EYA2: variants seen among roughly 807,000 people sequenced by gnomAD.
The protein encoded by EYA2 is EYA transcriptional coactivator and phosphatase 2.
Under a neutral mutation model 69.2 loss-of-function variants are expected in EYA2, and 31 were observed. That is an observed-to-expected ratio of 0.45 (90% CI 0.34 to 0.60). The LOEUF (loss-of-function observed/expected upper bound fraction) is 0.60. EYA2 is among the 20% of genes least tolerant of loss of function. The pLI is 0.02. For synonymous variants in EYA2, 257 were observed against 279.4 expected (o/e 0.92, Z 0.80); for missense variants, 622 against 701.2 (o/e 0.89, Z 1.28).
At chr20:46,965,595 C>T (rs1979728367) in intron 1 of EYA2, among the ~76,000 whole-genome samples, 1 of 152,266 alleles carries the variant, frequency 6.6e-6, no homozygotes, top group Admixed American at 6.5e-5. Context: ...AGCGTGCCTT[C>T]TTCCCAGCGT....
chr20:46,954,491 G>A (rs1487131084), intron 1 of EYA2, among the ~76,000 whole-genome samples: 1 of 152,224 alleles, frequency 6.6e-6, no homozygotes, highest in African/African-American at 2.4e-5. Flanking sequence ...TTGACTTGTG[G>A]TTTGTGGACA....
chr20:47,182,645 G>C (rs1366677866), intron 14 of EYA2, among the ~76,000 whole-genome samples: 3 of 82,454 alleles, frequency 3.6e-5, no homozygotes, highest in South Asian at 6.8e-4. Context: ...AAAAAAAAAA[G>C]GTTAAGATGG....
At chr20:47,170,091 A>G (rs1281373244) in intron 11 of EYA2, among the ~76,000 whole-genome samples, 1 of 151,680 alleles carries the variant, frequency 6.6e-6, no homozygotes, top group Non-Finnish European at 1.5e-5. Context: ...TTTTTTTAGT[A>G]GAGGCGGGGT....
chr20:47,103,292 A>G (rs1470237880), intron 9 of EYA2, among the ~76,000 whole-genome samples: 1 of 147,814 alleles, frequency 6.8e-6, no homozygotes, highest in Non-Finnish European at 1.5e-5. Context: ...CCTGACAACC[A>G]CTAATCTACT....
intron 7 of EYA2, among the ~76,000 whole-genome samples, chr20:47,088,215 CAG>C (rs2031957399): frequency 6.6e-6 from 1 of 152,142 alleles, no homozygotes; most frequent in African/African-American, 2.4e-5. Flanking sequence ...GCCTGAGCAA[CAG>C]AGCGAGACTC....
At chr20:47,040,071 C>T (rs1984965786) in intron 5 of EYA2, among the ~76,000 whole-genome samples, 1 of 151,920 alleles carries the variant, frequency 6.6e-6, no homozygotes, top group Admixed American at 6.6e-5. Flanking sequence ...GAACTCCTGA[C>T]CTCAGGTGAC....
At chr20:47,073,125 C>T (rs907462011) in intron 6 of EYA2, among the ~76,000 whole-genome samples, 1 of 152,164 alleles carries the variant, frequency 6.6e-6, no homozygotes, top group Non-Finnish European at 1.5e-5. Context: ...ACACTGACCA[C>T]CCCCGCAACC....
chr20:47,101,461 G>A (rs2146525788), intron 9 of EYA2, among the ~76,000 whole-genome samples: 1 of 152,262 alleles, frequency 6.6e-6, no homozygotes, highest in South Asian at 2.1e-4. Context: ...GGCAGAACTT[G>A]GTCAGATGGC....
chr20:46,942,846 A>T (rs1042158762), intron 1 of EYA2, among the ~76,000 whole-genome samples: 5 of 151,012 alleles, frequency 3.3e-5, no homozygotes, highest in Non-Finnish European at 5.9e-5. Flanking sequence ...GCTCACTACA[A>T]CCTCCTCCTC....
chr20:47,186,343 T>A (rs1260215377), intron 15 of EYA2, among the ~76,000 whole-genome samples: 1 of 143,922 alleles, frequency 6.9e-6, no homozygotes, highest in Non-Finnish European at 1.5e-5. Context: ...TATGAAGCAC[T>A]TATTCTTTTT....
rs1028230951 is a variant in EYA2 at position 47,060,847 on chromosome 20, C to T, written c.416-11338C>T. 5.0e-5 allele frequency among the ~76,000 whole-genome samples: 7 copies of T among 140,238 alleles called. No homozygotes were observed. In the East Asian group the frequency reaches 1.3e-3, roughly 25 times the overall value. The allele number at this position is 140,238 out of a possible 152,430, so 92.0% of individuals were successfully genotyped here. A position where few individuals can be genotyped will look rare whatever the true frequency, so the allele number is the denominator to read the frequency against. ...TGCTCATCTTCATCAATCGCTCTCT[C>T]TCTCTTTTTTTTTTTTTTTTTTTTG... On this transcript the variant is annotated intron_variant, in intron 5 of 15. Coordinates refer to ENST00000327619, the MANE Select transcript of EYA2 (RefSeq NM_005244.5).
intron 1 of EYA2, among the ~76,000 whole-genome samples, chr20:46,981,889 G>C (rs1980855897): frequency 7.3e-6 from 1 of 137,406 alleles, no homozygotes; most frequent in African/African-American, 3.1e-5. Flanking sequence ...TATTTATTCT[G>C]TTTGCATTTA....
At chr20:46,961,404 A>G (rs1979471526) in intron 1 of EYA2, among the ~76,000 whole-genome samples, 1 of 152,164 alleles carries the variant, frequency 6.6e-6, no homozygotes, top group South Asian at 2.1e-4. Flanking sequence ...AGAAAGGGGA[A>G]CTCTTACACC....
chr20:46,940,870 G>A (rs1600564236), intron 1 of EYA2, among the ~76,000 whole-genome samples: 1 of 152,216 alleles, frequency 6.6e-6, no homozygotes, highest in Non-Finnish European at 1.5e-5. Flanking sequence ...CCATCCACGG[G>A]CAACCCGCAG....
At chr20:47,111,589 C>T (rs372420771) in intron 9 of EYA2, among the ~76,000 whole-genome samples, 34 of 152,184 alleles carry the variant, frequency 2.2e-4, no homozygotes, top group African/African-American at 7.0e-4. Context: ...GTCTTTAGTC[C>T]TCCATTTGGA....
At chr20:47,041,774 C>T (rs1399582482) in intron 5 of EYA2, among the ~76,000 whole-genome samples, 1 of 152,098 alleles carries the variant, frequency 6.6e-6, no homozygotes, top group African/African-American at 2.4e-5. Context: ...GTAAATGTTT[C>T]CTGTACTTTG....
rs954272419 is a variant in EYA2, at chr20:47,188,143, C to T, written c.*10C>T. On this transcript the variant is annotated 3_prime_UTR_variant, in exon 16 of 16. Coordinates refer to ENST00000327619, the MANE Select transcript of EYA2 (RefSeq NM_005244.5). ...GCTGGAGTATTTATAGCAGGATCAGCAGCATCTCCACCTGCCATCTCACCC... is the reference window on the plus strand; with the variant it reads ...GCTGGAGTATTTATAGCAGGATCAGTAGCATCTCCACCTGCCATCTCACCC... The T allele has an allele frequency of 1.1e-5, 17 of 1,566,014 alleles. No homozygotes were observed. In the African/African-American group the frequency reaches 2.2e-4, roughly 20 times the overall value.
At chr20:46,989,461 A>G (rs1391435338) in intron 1 of EYA2, among the ~76,000 whole-genome samples, 1 of 152,040 alleles carries the variant, frequency 6.6e-6, no homozygotes, top group Admixed American at 6.6e-5. Flanking sequence ...TAGAGACGGC[A>G]TTTCACCATG....
At chr20:47,029,570 T>C (rs1175259251) in intron 5 of EYA2, among the ~76,000 whole-genome samples, 2 of 152,240 alleles carry the variant, frequency 1.3e-5, no homozygotes, top group African/African-American at 2.4e-5. Context: ...CCTCTATAAG[T>C]AGCACTGCTG....
Sources: allele counts gnomAD v4.1 joint callset (sites outside exome capture counted in the v4.1 genomes callset), GRCh38; gene constraint gnomAD v4.1.1; transcripts MANE v1.5; gene names NCBI Gene and HGNC (gene_info 2026-07-23, HGNC 2026-07-21).